The following CDH3 variants were observed in gnomAD, a reference collection of about 807,000 sequenced individuals.
The protein encoded by CDH3 is cadherin-3.
CDH3 carries 54 observed loss-of-function variants against 82.0 expected under a neutral mutation model. The ratio of observed to expected loss-of-function variants is 0.66; its 90% CI spans 0.53 to 0.83. The LOEUF (loss-of-function observed/expected upper bound fraction) is 0.83, where lower values mean the gene tolerates loss of function less well. Ranked by LOEUF, CDH3 falls within the 40% of genes least tolerant of loss-of-function variation. The probability of loss-of-function intolerance (pLI) is 0.00; values close to 1 mark genes in which losing one functional copy is unlikely to be tolerated. For synonymous variants in CDH3, 446 were observed against 437.9 expected (o/e 1.02, Z -0.23); for missense variants, 1,054 against 1,084.6 (o/e 0.97, Z 0.40).
intron 2 of CDH3, among the ~76,000 whole-genome samples, chr16:68,654,967 C>T (rs991417953): frequency 6.6e-5 from 10 of 151,266 alleles, no homozygotes; most frequent in Non-Finnish European, 1.0e-4. Context: ...GCCTGGGAGG[C>T]GGAGGTTGCA....
chr16:68,658,637 C>T (rs1314679929), intron 2 of CDH3, among the ~76,000 whole-genome samples: 1 of 152,146 alleles, frequency 6.6e-6, no homozygotes, highest in Non-Finnish European at 1.5e-5. Context: ...TGTGAGCTCT[C>T]CCCACACAAG....
At chr16:68,725,004 G>A (rs908261804) in intron 2 of CDH3, among the ~76,000 whole-genome samples, 2 of 152,038 alleles carry the variant, frequency 1.3e-5, no homozygotes, top group African/African-American at 4.8e-5. Flanking sequence ...CTGAGAAGAG[G>A]GTGGGGCCTT....
downstream of CDH3, among the ~76,000 whole-genome samples, chr16:68,729,792 A>G (rs1298375790): frequency 6.6e-6 from 1 of 151,538 alleles, no homozygotes; most frequent in East Asian, 1.9e-4. Context: ...CCACCACACC[A>G]GGCTATTTTT....
intron 1 of CDH3, chr16:68,722,408 C>A (rs754338223): frequency 3.3e-5 from 5 of 152,172 alleles, no homozygotes; most frequent in Non-Finnish European, 4.4e-5. Context: ...TCATTGGAAC[C>A]CTTGTCCTTT....
At chr16:68,685,409 C>T (rs1257019870) in intron 11 of CDH3, 59 bp downstream of exon 11, 4 of 1,551,238 alleles carry the variant, frequency 2.6e-6, no homozygotes, top group Admixed American at 1.7e-5. Flanking sequence ...GGTCACATGA[C>T]ACAGCACAGC....
intron 1 of CDH3, among the ~76,000 whole-genome samples, chr16:68,706,662 C>T (rs141902021): frequency 7.1e-4 from 103 of 145,832 alleles, no homozygotes; most frequent in African/African-American, 2.4e-3. Context: ...AAGCGATTCT[C>T]GTGCCTCAGC....
At chr16:68,669,583 CG>C (rs1339707331) in intron 2 of CDH3, among the ~76,000 whole-genome samples, 1 of 137,422 alleles carries the variant, frequency 7.3e-6, no homozygotes, top group East Asian at 2.3e-4. Flanking sequence ...TTGTAGACAG[CG>C]GGAAGAGGAT....
chr16:68,721,225 T>C (rs887451954), intron 1 of CDH3, among the ~76,000 whole-genome samples: 2 of 129,474 alleles, frequency 1.5e-5, no homozygotes, highest in East Asian at 2.3e-4. Context: ...TTATGCAGTT[T>C]AGTCTTTTTT....
At chr16:68,682,281 C>G in intron 8 of CDH3, 21 bp from the exon 9 acceptor site, 1 of 1,611,108 alleles carries the variant, frequency 6.2e-7, no homozygotes, top group African/African-American at 1.3e-5. Flanking sequence ...TCTGATAGTG[C>G]TGTGCTTCTC....
chr16:68,731,020 C>CAAA (rs1168041237), downstream of CDH3, among the ~76,000 whole-genome samples: 10 of 34,902 alleles, frequency 2.9e-4, no homozygotes, highest in Admixed American at 6.6e-4. Context: ...AACTCCGTCT[C>CAAA]AAAAAAAAAA....
At chr16:68,674,885 C>T (rs569801029) in intron 2 of CDH3, among the ~76,000 whole-genome samples, 8 of 152,044 alleles carry the variant, frequency 5.3e-5, no homozygotes, top group South Asian at 2.1e-4. Context: ...GAGGCCGAGG[C>T]GGTCAGATCA....
At chr16:68,676,345 C>T in intron 2 of CDH3, 40 bp from the exon 3 acceptor site, 1 of 1,458,372 alleles carries the variant, frequency 6.9e-7, no homozygotes, top group South Asian at 1.1e-5. Flanking sequence ...TTCCAGAATA[C>T]TCCTGCCTTC....
chr16:68,714,320 A>G (rs9936682), intron 1 of CDH3, among the ~76,000 whole-genome samples: 38,294 of 152,114 alleles, frequency 0.25, 4,925 homozygotes, highest in Admixed American at 0.29. Context: ...ACAGGACCTG[A>G]GACCCAGGCA....
chr16:68,701,892 C>T (rs1383299574), downstream of CDH3, among the ~76,000 whole-genome samples: 1 of 151,370 alleles, frequency 6.6e-6, no homozygotes, highest in Non-Finnish European at 1.5e-5. Flanking sequence ...GGTGTGGTGG[C>T]CTACGCCTGT....
At chr16:68,676,651 G>T (rs956044847) in intron 3 of CDH3, among the ~76,000 whole-genome samples, 181 bp downstream of exon 3, 1 of 152,200 alleles carries the variant, frequency 6.6e-6, no homozygotes, top group African/African-American at 2.4e-5. Flanking sequence ...GGGGGGTAGT[G>T]CTTGCAGCTA....
chr16:68,686,416 T>G (rs888666506), intron 11 of CDH3: 5 of 1,369,346 alleles, frequency 3.7e-6, no homozygotes, highest in South Asian at 2.3e-5. Context: ...CTTCCACTCT[T>G]TGACCGAGTA....
intron 1 of CDH3, among the ~76,000 whole-genome samples, chr16:68,717,562 C>T (rs1462134968): frequency 6.6e-6 from 1 of 152,078 alleles, no homozygotes; most frequent in African/African-American, 2.4e-5. Context: ...CACTTGAGGT[C>T]AGGAGTTCGA....
chr16:68,649,031 C>CA (rs1960164159), intron 2 of CDH3, among the ~76,000 whole-genome samples: 1 of 152,132 alleles, frequency 6.6e-6, no homozygotes, highest in Non-Finnish European at 1.5e-5. Flanking sequence ...CCCAGTGCCA[C>CA]AGTCTGGGGG....
At chr16:68,704,512 G>A (rs116793359), downstream of CDH3, among the ~76,000 whole-genome samples, 1,318 of 152,268 alleles carry the variant, frequency 8.7e-3, 25 homozygotes, top group African/African-American at 0.03. Context: ...CTTTCCCCAC[G>A]CCCAGCAGAG....
Sources: allele counts gnomAD v4.1 joint callset (sites outside exome capture counted in the v4.1 genomes callset), GRCh38; gene constraint gnomAD v4.1.1; transcripts MANE v1.5; gene names NCBI Gene and HGNC (gene_info 2026-07-23, HGNC 2026-07-21).